Variants in PUM1 observed in about 807,000 individuals in gnomAD.
PUM1 encodes pumilio homolog 1.
Under a neutral mutation model 131.8 loss-of-function variants are expected in PUM1, and 13 were observed. That is an observed-to-expected ratio of 0.10 (90% CI 0.06 to 0.16). The LOEUF (loss-of-function observed/expected upper bound fraction) is 0.16, where lower values mean the gene tolerates loss of function less well. Ranked by LOEUF, PUM1 falls within the 10% of genes least tolerant of loss-of-function variation. The pLI, the probability that PUM1 is intolerant of heterozygous loss-of-function variation, is 1.00. For synonymous variants in PUM1, 509 were observed against 556.5 expected (o/e 0.91, Z 1.20); for missense variants, 961 against 1,512.4 (o/e 0.64, Z 6.05).
At chr1:30,982,458 A>G (rs1472692014) in intron 7 of PUM1, among the ~76,000 whole-genome samples, 3 of 152,248 alleles carry the variant, frequency 2.0e-5, no homozygotes, top group Non-Finnish European at 2.9e-5. Flanking sequence ...CCAAGGAGTC[A>G]TACTGAAGAC....
chr1:30,944,666 T>C (rs1295455817), intron 18 of PUM1, among the ~76,000 whole-genome samples: 3 of 152,238 alleles, frequency 2.0e-5, no homozygotes, highest in Non-Finnish European at 4.4e-5. Context: ...TATTCACACA[T>C]GACCTACAAC....
At chr1:31,012,022 T>C (rs1198292281) in intron 3 of PUM1, among the ~76,000 whole-genome samples, 1 of 152,180 alleles carries the variant, frequency 6.6e-6, no homozygotes, top group Non-Finnish European at 1.5e-5. Flanking sequence ...CCTATTCTTA[T>C]CAAAGCAATT....
At chr1:30,960,507 C>G (rs1054426505) in intron 14 of PUM1, among the ~76,000 whole-genome samples, 1 of 152,052 alleles carries the variant, frequency 6.6e-6, no homozygotes, top group South Asian at 2.1e-4. Context: ...ACAGAATCCA[C>G]CCAAAAACCA....
chr1:31,044,291 C>T (rs1034173563), intron 2 of PUM1, among the ~76,000 whole-genome samples: 7 of 152,070 alleles, frequency 4.6e-5, no homozygotes, highest in Non-Finnish European at 1.0e-4. Context: ...GTCCCAGCTA[C>T]TCGGGAGGCT....
chr1:30,932,639 TTATATATATATA>T lies in PUM1; in HGVS notation c.*560_*571del, dbSNP rs35972861. 2 of 92,676 alleles carry T rather than the reference TTATATATATATA, an allele frequency of 2.2e-5. No individual in the cohort carries two copies. Among genetic ancestry groups the T allele is most frequent in the African/African-American group, 6.3e-5 (2 of 31,524 alleles). 5.7% of individuals were successfully genotyped at this position (92,676 alleles called of 1,614,324 possible). On this transcript the variant is annotated 3_prime_UTR_variant, in exon 22 of 22. Coordinates refer to ENST00000426105, the MANE Select transcript of PUM1 (RefSeq NM_001020658.2). Reference sequence around the variant, plus strand: ...TTTAGCAACTCTGAAACCTTTTTCATTATATATATATATATATATATATATATTTTTTATAAA... The same window carrying T: ...TTTAGCAACTCTGAAACCTTTTTCATTATATATATATATATTTTTTATAAA...
At chr1:31,017,989 G>A (rs554688767) in intron 3 of PUM1, among the ~76,000 whole-genome samples, 1 of 152,322 alleles carries the variant, frequency 6.6e-6, no homozygotes, top group East Asian at 1.9e-4. Flanking sequence ...TGTGGAAGTA[G>A]GGGCAAGGAC....
In PUM1 at chr1:30,964,658, G is replaced by A; in HGVS notation, c.2323+16C>T. On this transcript the variant is annotated intron_variant, in intron 14 of 21. Coordinates refer to ENST00000426105, the MANE Select transcript of PUM1 (RefSeq NM_001020658.2). ...AGTTCTAGAGTTCAAGGTGGTGTTA[G>A]AGTAATGGTTCTTACCCAGGTTTAA... 6.3e-7 allele frequency: 1 copy of A among 1,584,304 alleles called. No individual in the cohort carries two copies. Among genetic ancestry groups the A allele is most frequent in the Non-Finnish European group, 8.7e-7 (1 of 1,153,048 alleles).
chr1:30,962,006 T>C (rs1168353689), intron 14 of PUM1, among the ~76,000 whole-genome samples: 1 of 152,174 alleles, frequency 6.6e-6, no homozygotes, highest in Non-Finnish European at 1.5e-5. Flanking sequence ...AAGGCCTTTG[T>C]ATGGAGATTG....
intron 7 of PUM1, 73 bp downstream of exon 7, chr1:30,992,317 C>T: frequency 6.4e-7 from 1 of 1,552,274 alleles, no homozygotes; most frequent in South Asian, 1.2e-5. Flanking sequence ...CCCCCATCCC[C>T]CCATTCTTAA....
chr1:31,057,736 A>G (rs1351850764), intron 2 of PUM1, among the ~76,000 whole-genome samples: 1 of 151,514 alleles, frequency 6.6e-6, no homozygotes, highest in African/African-American at 2.4e-5. Flanking sequence ...AAAAAAAAAA[A>G]AAAAAAAAAA....
At chr1:31,002,920 A>G (rs1422402162) in intron 5 of PUM1, among the ~76,000 whole-genome samples, 1 of 152,256 alleles carries the variant, frequency 6.6e-6, no homozygotes, top group African/African-American at 2.4e-5. Flanking sequence ...AACAGCTTCA[A>G]TCTAGCCATA....
intron 2 of PUM1, among the ~76,000 whole-genome samples, chr1:31,051,214 T>G (rs1002205745): frequency 6.8e-6 from 1 of 147,694 alleles, no homozygotes; most frequent in South Asian, 2.1e-4. Flanking sequence ...ATGTCAGGGG[T>G]GGGTATCAGA....
chr1:30,990,887 A>G (rs1252820151), intron 7 of PUM1, among the ~76,000 whole-genome samples: 1 of 152,242 alleles, frequency 6.6e-6, no homozygotes, highest in African/African-American at 2.4e-5. Flanking sequence ...CCTTGGTTTT[A>G]TATTTTTGAA....
intron 6 of PUM1, among the ~76,000 whole-genome samples, chr1:30,993,416 A>C (rs1641870890): frequency 6.6e-6 from 1 of 151,958 alleles, no homozygotes; most frequent in Non-Finnish European, 1.5e-5. Flanking sequence ...CCCAGGGTCT[A>C]CCATCACCTT....
chr1:30,987,629 G>A (rs1005871409), intron 7 of PUM1, among the ~76,000 whole-genome samples: 1 of 152,198 alleles, frequency 6.6e-6, no homozygotes, highest in Non-Finnish European at 1.5e-5. Flanking sequence ...GCTCACAGCT[G>A]TTTTCCAGGA....
rs1019120520 is a variant in PUM1 at position 31,023,707 on chromosome 1, G to A, written c.432+5089C>T. 2.0e-5 allele frequency among the ~76,000 whole-genome samples: 3 copies of A among 151,894 alleles called. No individual in the cohort carries two copies. The South Asian group carries it at 6.3e-4, about 32-fold the overall frequency. ...GCACTTTGGGAAGCCAAGGTGGATGGATCACGAAGTCAAGAGATAGAGACC... is the reference window on the plus strand; with the variant it reads ...GCACTTTGGGAAGCCAAGGTGGATGAATCACGAAGTCAAGAGATAGAGACC... On this transcript the variant is annotated intron_variant, in intron 3 of 21. Transcript: ENST00000426105.
chr1:30,988,790 T>C (rs1336923757), intron 7 of PUM1, among the ~76,000 whole-genome samples: 1 of 152,214 alleles, frequency 6.6e-6, no homozygotes, highest in East Asian at 1.9e-4. Context: ...TGCTCTGACC[T>C]GCAACAAAAT....
chr1:30,977,625 T>G (rs1641191724), intron 9 of PUM1, among the ~76,000 whole-genome samples: 1 of 152,238 alleles, frequency 6.6e-6, no homozygotes, highest in Non-Finnish European at 1.5e-5. Flanking sequence ...ATACACATTT[T>G]CATAGTTTTA....
intron 19 of PUM1, among the ~76,000 whole-genome samples, 157 bp from the exon 20 acceptor site, chr1:30,941,429 G>A (rs1469360872): frequency 2.0e-5 from 3 of 152,090 alleles, no homozygotes; most frequent in East Asian, 1.9e-4. Context: ...AGGTAGTAAC[G>A]TTCTTCTCTA....
Sources: gnomAD v4.1 joint callset for allele counts (sites outside exome capture counted in the v4.1 genomes callset) on GRCh38, gnomAD v4.1.1 for gene constraint, MANE v1.5 for transcripts, NCBI Gene and HGNC (gene_info 2026-07-23, HGNC 2026-07-21) for gene names.